SMIM18: variants seen among roughly 807,000 people sequenced by gnomAD.
SMIM18 encodes small integral membrane protein 18.
Under a neutral mutation model 5.9 loss-of-function variants are expected in SMIM18, and 4 were observed. That is an observed-to-expected ratio of 0.68 (90% CI 0.33 to 1.56). The LOEUF is 1.56. Among genes scored for constraint, SMIM18 ranks in the 40% most tolerant of loss-of-function variants. The probability of loss-of-function intolerance (pLI) is 0.06; values close to 1 mark genes in which losing one functional copy is unlikely to be tolerated. For synonymous variants in SMIM18, 37 were observed against 37.4 expected, an observed-to-expected ratio of 0.99 and a Z score of 0.04; for missense variants, 89 against 109.7, an observed-to-expected ratio of 0.81 and a Z score of 0.84.
At chr8:30,643,987 C>A (rs1801961443) in intron 1 of SMIM18, among the ~76,000 whole-genome samples, 1 of 152,146 alleles carries the variant, frequency 6.6e-6, no homozygotes, top group Non-Finnish European at 1.5e-5. Flanking sequence ...AAAGGAAAAG[C>A]ATACAGAATG....
chr8:30,644,090 A>C (rs1487323359), intron 1 of SMIM18, among the ~76,000 whole-genome samples: 1 of 152,230 alleles, frequency 6.6e-6, no homozygotes, highest in Admixed American at 6.5e-5. Context: ...TTTAAAACTA[A>C]ATGTTAAAAT....
At chr8:30,640,062 C>T (rs1801758446) in intron 1 of SMIM18, among the ~76,000 whole-genome samples, 1 of 152,194 alleles carries the variant, frequency 6.6e-6, no homozygotes, top group Admixed American at 6.5e-5. Context: ...ATTGTTTTAA[C>T]ACTCTATCAT....
rs1423190761 is a variant in SMIM18 at position 30,644,281 on chromosome 8, A to G, written c.-110-211A>G. On this transcript the variant is annotated intron_variant, in intron 1 of 2. Transcript: ENST00000517349. ...TCACCAGCTTCTTTTGTGAAATGGA[A>G]TAATAACTGATACCTTTGGGAGGGC... is the stretch of plus-strand genomic sequence containing the variant. Among the ~76,000 whole-genome samples the G allele has an allele frequency of 2.0e-5, 3 of 152,354 alleles. No homozygotes were observed. In the South Asian group the frequency reaches 6.2e-4, roughly 32 times the overall value.
In SMIM18 at chr8:30,645,796, T is replaced by C; in HGVS notation, c.*199T>C. 1.8e-6 allele frequency: 1 copy of C among 549,794 alleles called. No homozygotes were observed. The allele number at this position is 549,794 out of a possible 1,614,324, so 34.1% of individuals were successfully genotyped here. A position where few individuals can be genotyped will look rare whatever the true frequency, so the allele number is the denominator to read the frequency against. On this transcript the variant is annotated 3_prime_UTR_variant, in exon 3 of 3. Transcript: ENST00000517349. ...TCATTAAATATACAGTAAAACTTCA[T>C]GAATGTGAATTTACTAATCTGTTTA...
At chr8:30,639,824 A>C (rs917782960) in intron 1 of SMIM18, among the ~76,000 whole-genome samples, 1 of 151,782 alleles carries the variant, frequency 6.6e-6, no homozygotes, top group Non-Finnish European at 1.5e-5. Flanking sequence ...AGCTAGCCTG[A>C]GCAAAGTATC....
In SMIM18 at chr8:30,645,498, C is replaced by T; in HGVS notation, c.189C>T (p.Cys63=). 1 of 1,535,610 alleles carries T rather than the reference C, an allele frequency of 6.5e-7. No homozygotes were observed. Among genetic ancestry groups the T allele is most frequent in the South Asian group, 1.2e-5 (1 of 84,066 alleles). ...TTTATGAAGTGCTTGACTGCTGCTGCTGTGTAAAAAACAAAACCGTGAAAG... is the reference window on the plus strand; with the variant it reads ...TTTATGAAGTGCTTGACTGCTGCTGTTGTGTAAAAAACAAAACCGTGAAAG... ...AFLYEVLDCC[C]CVKNKTVKDL... is the part of the protein sequence containing the mutation. The change falls in exon 3 of 3, where the codon TGC becomes TGT. Residue 63 remains cysteine (C), a synonymous_variant. Transcript: ENST00000517349.
intron 1 of SMIM18, among the ~76,000 whole-genome samples, chr8:30,642,793 CAGA>C (rs949093994): frequency 1.3e-5 from 2 of 152,132 alleles, no homozygotes; most frequent in African/African-American, 4.8e-5. Flanking sequence ...TTAATTTAAC[CAGA>C]AGAATAGCTC....
chr8:30,640,991 G>C (rs994738500), intron 1 of SMIM18, among the ~76,000 whole-genome samples: 2 of 152,054 alleles, frequency 1.3e-5, no homozygotes, highest in Non-Finnish European at 2.9e-5. Context: ...AGGCCTAATG[G>C]TATATTTCTT....
intron 1 of SMIM18, chr8:30,643,464 C>A (rs2128727197): frequency 6.6e-6 from 1 of 152,300 alleles, no homozygotes; most frequent in South Asian, 2.1e-4. Context: ...TGAGACCAGC[C>A]TGACCAACAT....
At position 30,645,421 on chromosome 8, in the gene SMIM18, A is replaced by T; in HGVS notation, c.112A>T (p.Ile38Phe). 1 of 1,535,692 alleles carries T rather than the reference A, an allele frequency of 6.5e-7. No homozygotes were observed. Among genetic ancestry groups the T allele is most frequent in the Non-Finnish European group, 8.7e-7 (1 of 1,146,904 alleles). The stretch of plus-strand genomic sequence containing the variant: ...CAACTGGAACACTGCCTGCTTTGTC[A>T]TCCTGCTTTTATTTATATTTACAGT... ...HDNWNTACFV[I>F]LLLFIFTVVS... Residue 38 changes from isoleucine to phenylalanine, a missense_variant, in exon 3 of 3, where the codon ATC (isoleucine) becomes TTC (phenylalanine). Physicochemically the swap from Ile to Phe is conservative, Grantham distance 21. Transcript: ENST00000517349.
rs542868655 is a variant in SMIM18 at position 30,641,167 on chromosome 8, C to T, written c.-111+2528C>T. Among the ~76,000 whole-genome samples the T allele has an allele frequency of 2.0e-5, 3 of 152,158 alleles. No individual in the cohort carries two copies. The East Asian group carries it at 5.8e-4, about 29-fold the overall frequency. On this transcript the variant is annotated intron_variant, in intron 1 of 2. Coordinates refer to ENST00000517349, the MANE Select transcript of SMIM18 (RefSeq NM_001206847.2). ...AGAGAGTTTACTTTTTTCAGATATGCCCAGAAGCTAACAAACAATGAATGT... is the reference window on the plus strand; with the variant it reads ...AGAGAGTTTACTTTTTTCAGATATGTCCAGAAGCTAACAAACAATGAATGT...
intron 2 of SMIM18, 144 bp from the exon 3 acceptor site, chr8:30,645,136 CA>C (rs577435168): frequency 2.8e-6 from 2 of 711,924 alleles, no homozygotes; most frequent in Admixed American, 3.0e-5. Context: ...CCCAGATATA[CA>C]AAAAAATTCA....
chr8:30,642,952 A>G (rs1201087016), intron 1 of SMIM18, among the ~76,000 whole-genome samples: 3 of 152,176 alleles, frequency 2.0e-5, no homozygotes, highest in Admixed American at 6.5e-5. Flanking sequence ...AGTAGATGAG[A>G]TATCTCTTTT....
At chr8:30,641,528 A>C (rs763464540) in intron 1 of SMIM18, among the ~76,000 whole-genome samples, 2 of 152,026 alleles carry the variant, frequency 1.3e-5, no homozygotes, top group African/African-American at 2.4e-5. Flanking sequence ...ATGCCCAGCT[A>C]ATTTTTATTT....
In SMIM18 at chr8:30,644,576, A is replaced by G. The variant is rs957571234; in HGVS notation, c.-30+4A>G. 6.6e-6 allele frequency: 1 copy of G among 151,384 alleles called. No individual in the cohort carries two copies. The highest frequency in any genetic ancestry group is 2.4e-5 in the African/African-American group (1 of 41,418). The allele number at this position is 151,384 out of a possible 1,614,324, so 9.4% of individuals were successfully genotyped here. ...AGAAATACACTGAACCAAAAAGGTA[A>G]GAAGAATCCACAAGGCTAATGATAA... On this transcript the variant is annotated splice_donor_region_variant and intron_variant, in intron 2 of 2. Transcript: ENST00000517349.
chr8:30,640,602 T>G (rs896032540), intron 1 of SMIM18, among the ~76,000 whole-genome samples: 4 of 152,248 alleles, frequency 2.6e-5, no homozygotes, highest in African/African-American at 9.6e-5. Flanking sequence ...TACACCATTT[T>G]CTCTTGCTTT....
chr8:30,645,523 G>A lies in SMIM18; in HGVS notation c.214G>A (p.Asp72Asn). 2 of 1,535,584 alleles carry A rather than the reference G, an allele frequency of 1.3e-6. No individual in the cohort carries two copies. Among genetic ancestry groups the A allele is most frequent in the Non-Finnish European group, 1.7e-6 (2 of 1,146,878 alleles). Residue 72 changes from aspartate to asparagine, a missense_variant, in exon 3 of 3, where the codon GAC becomes AAC. Physicochemically the swap from Asp to Asn is conservative, Grantham distance 23. Transcript: ENST00000517349. ...CCCVKNKTVK[D>N]LKSEPNPLRS... ...CTGTGTAAAAAACAAAACCGTGAAA[G>A]ACTTGAAAAGTGAACCCAACCCTCT...
At position 30,645,503 on chromosome 8, in the gene SMIM18, T is replaced by TA; in HGVS notation, c.200dup (p.Asn67LysfsTer10). The TA allele has an allele frequency of 6.5e-7, 1 of 1,535,650 alleles. No individual in the cohort carries two copies. The highest frequency in any genetic ancestry group is 1.2e-5 in the South Asian group (1 of 84,066). The stretch of plus-strand genomic sequence containing the variant: ...GAAGTGCTTGACTGCTGCTGCTGTG[T>TA]AAAAAACAAAACCGTGAAAGACTTG... On this transcript the variant is annotated frameshift_variant, in exon 3 of 3. Coordinates refer to ENST00000517349, the MANE Select transcript of SMIM18 (RefSeq NM_001206847.2). LOFTEE classifies it high-confidence loss of function.
At chr8:30,645,084 A>C (rs1802017604) in intron 2 of SMIM18, among the ~76,000 whole-genome samples, 197 bp from the exon 3 acceptor site, 1 of 152,168 alleles carries the variant, frequency 6.6e-6, no homozygotes, top group Admixed American at 6.5e-5. Flanking sequence ...CTAGCAAATA[A>C]TATATGTTAA....
Sources: allele counts gnomAD v4.1 joint callset (sites outside exome capture counted in the v4.1 genomes callset), GRCh38; gene constraint gnomAD v4.1.1; transcripts MANE v1.5; gene names NCBI Gene and HGNC (gene_info 2026-07-23, HGNC 2026-07-21).